Variants in DNAH14 observed in about 807,000 individuals in gnomAD.
DNAH14 encodes dynein axonemal heavy chain 14.
DNAH14 carries 478 observed loss-of-function variants against 520.9 expected under a neutral mutation model. That is an observed-to-expected ratio of 0.92 (90% CI 0.85 to 0.99). The LOEUF is 0.99. DNAH14 is among the 50% of genes least tolerant of loss of function. The pLI, the probability that DNAH14 is intolerant of heterozygous loss-of-function variation, is 0.00. For synonymous variants in DNAH14, 1,581 were observed against 1,757.2 expected (o/e 0.90, Z 2.51); for missense variants, 4,831 against 5,234.5 (o/e 0.92, Z 2.38).
chr1:225,264,060 G>A lies in DNAH14; in HGVS notation c.7158-137G>A, dbSNP rs1159810399. The A allele has an allele frequency of 4.7e-6, 3 of 634,452 alleles. 1 individual carries two copies. The South Asian group carries it at 6.3e-5, about 13-fold the overall frequency. 39.3% of individuals were successfully genotyped at this position (634,452 alleles called of 1,614,324 possible). A position where few individuals can be genotyped will look rare whatever the true frequency, so the allele number is the denominator to read the frequency against. ...TGGTGACACTAATTTCATCTGAAAA[G>A]GTGGAAACAGAAAAAAAATTTTTCT... On this transcript the variant is annotated intron_variant, in intron 46 of 85. Transcript: ENST00000682510.
chr1:225,276,832 G>T (rs2149879282), intron 53 of DNAH14, among the ~76,000 whole-genome samples: 1 of 150,916 alleles, frequency 6.6e-6, no homozygotes, highest in Non-Finnish European at 1.5e-5. Flanking sequence ...GAGGCAAGAG[G>T]ATTGCTTGAG....
chr1:225,203,418 A>G (rs78485623), intron 38 of DNAH14, among the ~76,000 whole-genome samples: 3,232 of 152,266 alleles, frequency 0.021, 90 homozygotes, highest in African/African-American at 0.062. Context: ...TGGTTGAAAC[A>G]TGAGCACCTT....
At position 224,967,454 on chromosome 1, in the gene DNAH14, A is replaced by T; in HGVS notation, c.522A>T (p.Glu174Asp). 6.4e-7 allele frequency: 1 copy of T among 1,560,472 alleles called. No homozygotes were observed. Among genetic ancestry groups the T allele is most frequent in the South Asian group, 1.3e-5 (1 of 79,218 alleles). Residue 174 changes from glutamate (E) to aspartate (D), a missense_variant, in exon 6 of 86, where the codon GAA becomes GAT. Transcript: ENST00000682510. ...TLKKPLEDDG[E>D]FVYCLPRKSP... ...AGAAACCTTTGGAAGATGATGGAGA[A>T]TTTGTTTATTGCCTTCCTCGGAAAA...
intron 81 of DNAH14, among the ~76,000 whole-genome samples, chr1:225,386,038 AC>A (rs903216469): frequency 1.6e-4 from 25 of 152,302 alleles, no homozygotes; most frequent in African/African-American, 5.8e-4. Context: ...AGAGATATAG[AC>A]CAATGGAACA....
intron 2 of DNAH14, among the ~76,000 whole-genome samples, chr1:224,953,550 CTTA>C (rs1265693549): frequency 6.6e-6 from 1 of 152,034 alleles, no homozygotes; most frequent in Admixed American, 6.6e-5. Context: ...CTATAAAAAA[CTTA>C]TTATAAAGCT....
intron 1 of DNAH14, among the ~76,000 whole-genome samples, chr1:224,939,689 CA>C (rs113656668): frequency 2.7e-5 from 4 of 150,888 alleles, no homozygotes; most frequent in African/African-American, 9.8e-5. Flanking sequence ...ATCTCAACAA[CA>C]AAAAAAACTA....
At chr1:225,177,935 C>G (rs1473855237) in intron 36 of DNAH14, among the ~76,000 whole-genome samples, 3 of 152,082 alleles carry the variant, frequency 2.0e-5, no homozygotes, top group Non-Finnish European at 2.9e-5. Flanking sequence ...GATCCACTGA[C>G]AGCTTGCACT....
rs2079388965 is a variant in DNAH14 at position 225,140,866 on chromosome 1, A to G, written c.4353A>G (p.Leu1451=). 6.4e-7 allele frequency: 1 copy of G among 1,551,328 alleles called. No homozygotes were observed. The highest frequency in any genetic ancestry group is 8.7e-7 in the Non-Finnish European group (1 of 1,146,918). Residue 1451 remains leucine (L), a synonymous_variant, in exon 28 of 86, where the codon CTA becomes CTG. Coordinates refer to ENST00000682510, the MANE Select transcript of DNAH14 (RefSeq NM_001367479.1). ...EKVHAGLMCH[L]EEVADLVVLD... ...TCCACGCTGGTCTGATGTGTCATCT[A>G]GAAGAGGTTGCAGACCTGGTAGTGC...
intron 17 of DNAH14, among the ~76,000 whole-genome samples, chr1:225,062,530 A>G (rs1283086674): frequency 1.5e-5 from 2 of 132,808 alleles, no homozygotes; most frequent in African/African-American, 2.6e-5. Flanking sequence ...GCAGAGTCCT[A>G]TAAAGAAGGA....
intron 79 of DNAH14, among the ~76,000 whole-genome samples, chr1:225,378,033 ATCAGTT>A (rs1345160652): frequency 1.3e-5 from 2 of 152,122 alleles, no homozygotes; most frequent in Non-Finnish European, 2.9e-5. Flanking sequence ...AAAATCATAA[ATCAGTT>A]TCTCAATTAT....
chr1:225,101,644 C>G (rs1217044482), intron 23 of DNAH14, among the ~76,000 whole-genome samples: 2 of 152,114 alleles, frequency 1.3e-5, no homozygotes, highest in Non-Finnish European at 2.9e-5. Flanking sequence ...TTTTACTTAA[C>G]ATAATGACCT....
chr1:225,142,607 C>CA (rs2079556434), intron 28 of DNAH14, among the ~76,000 whole-genome samples: 1 of 152,148 alleles, frequency 6.6e-6, no homozygotes, highest in Admixed American at 6.5e-5. Context: ...ACACAATAGG[C>CA]ATATCTCATT....
intron 41 of DNAH14, among the ~76,000 whole-genome samples, chr1:225,208,217 C>T (rs1427749291): frequency 6.6e-6 from 1 of 151,972 alleles, no homozygotes; most frequent in Non-Finnish European, 1.5e-5. Context: ...ACTCCCTCCC[C>T]AGATTCACAC....
intron 3 of DNAH14, 120 bp downstream of exon 3, chr1:224,955,218 C>G (rs1171939517): frequency 6.6e-6 from 7 of 1,053,064 alleles, no homozygotes; most frequent in Non-Finnish European, 9.9e-6. Flanking sequence ...ATATTAGTGT[C>G]TATTTTACTA....
In DNAH14 at chr1:225,346,607, G is replaced by C. The variant is rs764981662; in HGVS notation, c.11249G>C (p.Gly3750Ala). ...EEEWNIFLYS[G>A]ILINIKSALS... ...GAATGGAACATCTTTTTATATTCTG[G>C]CATATTGATAAATATTAAAAGTGCA... The change falls in exon 71 of 86, where the codon GGC (glycine) becomes GCC (alanine). Residue 3750 changes from glycine to alanine, a missense_variant. Coordinates refer to ENST00000682510, the MANE Select transcript of DNAH14 (RefSeq NM_001367479.1). 108 of 1,549,928 alleles carry C rather than the reference G, an allele frequency of 7.0e-5. No homozygotes were observed. In the East Asian group the frequency reaches 2.6e-3, roughly 37 times the overall value.
chr1:225,246,105 C>CAAAAAAA (rs140007042), intron 43 of DNAH14, among the ~76,000 whole-genome samples: 5 of 77,728 alleles, frequency 6.4e-5, no homozygotes, highest in Non-Finnish European at 1.1e-4. Flanking sequence ...ACAAACCTGG[C>CAAAAAAA]AAAAAAAAAA....
At chr1:225,066,664 C>T (rs868556537) in intron 17 of DNAH14, among the ~76,000 whole-genome samples, 27 of 151,790 alleles carry the variant, frequency 1.8e-4, no homozygotes, top group African/African-American at 6.3e-4. Flanking sequence ...ACCCTTCCCA[C>T]CTGAGTCCCA....
At chr1:225,183,674 G>T (rs1294339040) in intron 36 of DNAH14, among the ~76,000 whole-genome samples, 1 of 143,674 alleles carries the variant, frequency 7.0e-6, no homozygotes, top group African/African-American at 2.7e-5. Context: ...TAGACCACTA[G>T]GTAGATTAAC....
chr1:225,253,041 A>G (rs2092611464), intron 44 of DNAH14, among the ~76,000 whole-genome samples: 2 of 150,922 alleles, frequency 1.3e-5, no homozygotes, highest in South Asian at 4.2e-4. Flanking sequence ...TTCTCTCATA[A>G]AAGAATTTCA....
Sources: gnomAD v4.1 joint callset for allele counts (sites outside exome capture counted in the v4.1 genomes callset) on GRCh38, gnomAD v4.1.1 for gene constraint, MANE v1.5 for transcripts, NCBI Gene and HGNC (gene_info 2026-07-23, HGNC 2026-07-21) for gene names.